PCDH15: variants seen among roughly 807,000 people sequenced by gnomAD.
PCDH15 encodes protocadherin-15.
A neutral mutation model predicts 178.5 loss-of-function variants in PCDH15; 129 were observed. The observed-to-expected ratio is 0.72, with a 90% CI of 0.63 to 0.84. PCDH15 has a LOEUF of 0.84. PCDH15 is among the 40% of genes least tolerant of loss of function. The pLI, the probability that PCDH15 is intolerant of heterozygous loss-of-function variation, is 0.00. For synonymous variants in PCDH15, 800 were observed against 732.0 expected (o/e 1.09, Z -1.50); for missense variants, 2,230 against 2,099.9 (o/e 1.06, Z -1.21).
intron 1 of PCDH15, among the ~76,000 whole-genome samples, chr10:55,227,093 A>C (rs1841068975): frequency 6.6e-6 from 1 of 152,054 alleles, no homozygotes; most frequent in Non-Finnish European, 1.5e-5. Context: ...ACATGAAAAA[A>C]TAAGATATAT....
At chr10:55,295,834 A>G (rs1172571917) in intron 1 of PCDH15, among the ~76,000 whole-genome samples, 1 of 152,106 alleles carries the variant, frequency 6.6e-6, no homozygotes, top group East Asian at 1.9e-4. Context: ...CTAATTACCT[A>G]GAGTTTTAGC....
At chr10:54,999,163 A>G (rs925278975) in intron 2 of PCDH15, among the ~76,000 whole-genome samples, 1 of 152,086 alleles carries the variant, frequency 6.6e-6, no homozygotes, top group African/African-American at 2.4e-5. Context: ...TGTTCTGTTT[A>G]TCAAAAGTCC....
intron 2 of PCDH15, among the ~76,000 whole-genome samples, chr10:55,581,172 GT>G (rs1842607111): frequency 6.6e-6 from 1 of 152,068 alleles, no homozygotes; most frequent in Admixed American, 6.5e-5. Context: ...TTTTAGGAAA[GT>G]AAACATACAG....
chr10:54,299,520 G>T (rs1398179219), intron 8 of PCDH15, among the ~76,000 whole-genome samples: 1 of 152,194 alleles, frequency 6.6e-6, no homozygotes, highest in Admixed American at 6.5e-5. Context: ...GTGTAAACAA[G>T]GGTGTAGCCC....
At chr10:54,514,260 C>T (rs1258736143) in intron 3 of PCDH15, among the ~76,000 whole-genome samples, 1 of 151,988 alleles carries the variant, frequency 6.6e-6, no homozygotes, top group Non-Finnish European at 1.5e-5. Flanking sequence ...ATAAATTAAT[C>T]TCTGATTCCT....
chr10:54,872,581 T>A (rs889296385), intron 3 of PCDH15, among the ~76,000 whole-genome samples: 1 of 152,166 alleles, frequency 6.6e-6, no homozygotes, highest in African/African-American at 2.4e-5. Flanking sequence ...CTTTGACTCA[T>A]CATTGATTAT....
At chr10:55,016,504 TA>T (rs1330909749) in intron 2 of PCDH15, among the ~76,000 whole-genome samples, 1 of 152,146 alleles carries the variant, frequency 6.6e-6, no homozygotes, top group African/African-American at 2.4e-5. Flanking sequence ...TGAGAACATG[TA>T]AAGTATGTCT....
chr10:54,649,437 T>C (rs2094205359), intron 2 of PCDH15, among the ~76,000 whole-genome samples: 1 of 152,178 alleles, frequency 6.6e-6, no homozygotes, highest in Non-Finnish European at 1.5e-5. Flanking sequence ...CAGAAGACCA[T>C]GTGTGGACAA....
intron 2 of PCDH15, among the ~76,000 whole-genome samples, chr10:54,920,290 G>A (rs1837452109): frequency 6.6e-6 from 1 of 151,930 alleles, no homozygotes; most frequent in Non-Finnish European, 1.5e-5. Flanking sequence ...CTAACACGGT[G>A]AAACCCCGTC....
At chr10:55,136,450 A>G (rs1838200657) in intron 2 of PCDH15, among the ~76,000 whole-genome samples, 1 of 152,116 alleles carries the variant, frequency 6.6e-6, no homozygotes, top group Non-Finnish European at 1.5e-5. Flanking sequence ...AAAACAATGT[A>G]CTTCTAAGAA....
At chr10:54,369,405 A>C (rs1947312638) in intron 4 of PCDH15, 130 bp from the exon 5 acceptor site, 1 of 857,612 alleles carries the variant, frequency 1.2e-6, no homozygotes, top group African/African-American at 1.7e-5. Flanking sequence ...ATCTCAAAGA[A>C]AATGATCATT....
At chr10:54,719,641 T>C (rs1292318087) in intron 1 of PCDH15, among the ~76,000 whole-genome samples, 2 of 151,808 alleles carry the variant, frequency 1.3e-5, no homozygotes, top group African/African-American at 4.8e-5. Flanking sequence ...AAGCCCCACA[T>C]GCATTAGCTA....
chr10:54,066,211 T>C (rs2094134742), intron 18 of PCDH15, among the ~76,000 whole-genome samples: 1 of 152,148 alleles, frequency 6.6e-6, no homozygotes, highest in Non-Finnish European at 1.5e-5. Context: ...GTTTTAACAA[T>C]AAAGGAATTA....
chr10:54,862,275 G>A (rs1953856648), intron 3 of PCDH15, among the ~76,000 whole-genome samples: 1 of 152,068 alleles, frequency 6.6e-6, no homozygotes, highest in Non-Finnish European at 1.5e-5. Flanking sequence ...TTTTTCTCAT[G>A]TAGATGAAAT....
chr10:55,177,094 T>A (rs556997302), intron 1 of PCDH15, among the ~76,000 whole-genome samples: 50 of 152,268 alleles, frequency 3.3e-4, no homozygotes, highest in African/African-American at 1.1e-3. Flanking sequence ...CAGACTTCAG[T>A]GAAGTACTTA....
intron 3 of PCDH15, among the ~76,000 whole-genome samples, chr10:54,452,822 T>G (rs1470798372): frequency 6.6e-6 from 1 of 152,232 alleles, no homozygotes; most frequent in South Asian, 2.1e-4. Flanking sequence ...AACTAGATTT[T>G]TTGAGTCATG....
At chr10:54,983,025 T>C (rs1839279989) in intron 2 of PCDH15, among the ~76,000 whole-genome samples, 3 of 152,170 alleles carry the variant, frequency 2.0e-5, no homozygotes, top group Admixed American at 1.3e-4. Context: ...AGTCTGATTT[T>C]ACAAGTTATG....
At chr10:54,161,355 T>G (rs1227003887) in intron 13 of PCDH15, among the ~76,000 whole-genome samples, 1 of 152,160 alleles carries the variant, frequency 6.6e-6, no homozygotes, top group Non-Finnish European at 1.5e-5. Flanking sequence ...AGGAAAACTT[T>G]TAGAGGCAGA....
intron 2 of PCDH15, among the ~76,000 whole-genome samples, chr10:55,457,348 A>G (rs1839576239): frequency 6.6e-6 from 1 of 152,108 alleles, no homozygotes; most frequent in Non-Finnish European, 1.5e-5. Flanking sequence ...GCAATTAAAC[A>G]TAAACATTGA....
Sources: gnomAD v4.1 joint callset for allele counts (sites outside exome capture counted in the v4.1 genomes callset) on GRCh38, gnomAD v4.1.1 for gene constraint, MANE v1.5 for transcripts, NCBI Gene and HGNC (gene_info 2026-07-23, HGNC 2026-07-21) for gene names.